Variants in SLC13A3 observed in about 807,000 individuals in gnomAD.
The protein encoded by SLC13A3 is solute carrier family 13 member 3.
SLC13A3 carries 40 observed loss-of-function variants against 59.0 expected under a neutral mutation model. The observed-to-expected ratio is 0.68, with a 90% CI of 0.53 to 0.88. The LOEUF (loss-of-function observed/expected upper bound fraction) is 0.88, where lower values mean the gene tolerates loss of function less well. SLC13A3 is among the 40% of genes least tolerant of loss of function. The pLI, the probability that SLC13A3 is intolerant of heterozygous loss-of-function variation, is 0.00. For missense variants in SLC13A3, 699 were observed against 783.2 expected (o/e 0.89, Z 1.28); for synonymous variants, 317 against 330.3 (o/e 0.96, Z 0.44).
intron 10 of SLC13A3, among the ~76,000 whole-genome samples, chr20:46,567,064 T>TACACA (rs766425592): frequency 2.6e-5 from 4 of 151,836 alleles, no homozygotes; most frequent in Non-Finnish European, 5.9e-5. Flanking sequence ...ATCACATGTG[T>TACACA]GCCTGTAATC....
chr20:46,667,387 G>T, intron 1 of SLC13A3, among the ~76,000 whole-genome samples: 1 of 152,186 alleles, frequency 6.6e-6, no homozygotes, highest in South Asian at 2.1e-4. Flanking sequence ...TTTACCGGTG[G>T]GCCTGGGTTG....
intron 1 of SLC13A3, among the ~76,000 whole-genome samples, chr20:46,645,426 G>T (rs2062884546): frequency 6.6e-6 from 1 of 152,188 alleles, no homozygotes; most frequent in Non-Finnish European, 1.5e-5. Context: ...AGCTCACCAA[G>T]CTTCATGGTG....
chr20:46,584,333 T>C (rs570371236), intron 8 of SLC13A3: 3 of 985,426 alleles, frequency 3.0e-6, no homozygotes, highest in Admixed American at 6.1e-5. Context: ...CAAGATACCC[T>C]GTAAATTGTA....
Position 46,598,501 on chromosome 20 carries a change from G to A in SLC13A3, c.608+1470C>T, listed in dbSNP as rs1275907277. Among the ~76,000 whole-genome samples, 3 of 152,232 alleles carry A rather than the reference G, an allele frequency of 2.0e-5. No homozygotes were observed. The East Asian group carries it at 5.8e-4, about 29-fold the overall frequency. On this transcript the variant is annotated intron_variant, in intron 4 of 12. Transcript: ENST00000279027. ...TCCAACAGATGTAGGCTTCTAGAGG[G>A]TGAGGACTGGGTTTTGCAACAGACC... is the stretch of plus-strand genomic sequence containing the variant.
intron 1 of SLC13A3, among the ~76,000 whole-genome samples, chr20:46,663,431 C>T (rs1014693780): frequency 1.0e-4 from 15 of 147,982 alleles, no homozygotes; most frequent in Non-Finnish European, 1.6e-4. Context: ...GGTGACAGAT[C>T]GAGACCCTGT....
chr20:46,607,806 CCA>C (rs2062450708), intron 3 of SLC13A3, among the ~76,000 whole-genome samples: 2 of 152,160 alleles, frequency 1.3e-5, no homozygotes, highest in Non-Finnish European at 2.9e-5. Context: ...AATACCAGAG[CCA>C]CAGTTTGGAA....
At chr20:46,625,912 G>A (rs1032823286) in intron 1 of SLC13A3, among the ~76,000 whole-genome samples, 1 of 152,122 alleles carries the variant, frequency 6.6e-6, no homozygotes, top group African/African-American at 2.4e-5. Flanking sequence ...TTTCCTGCTG[G>A]TGGACATTTG....
At chr20:46,607,539 C>T (rs1320798260) in intron 3 of SLC13A3, among the ~76,000 whole-genome samples, 1 of 152,242 alleles carries the variant, frequency 6.6e-6, no homozygotes, top group Non-Finnish European at 1.5e-5. Context: ...AGGTAGGTAT[C>T]TATCCCAACC....
intron 1 of SLC13A3, among the ~76,000 whole-genome samples, chr20:46,632,353 G>A (rs1568947088): frequency 6.6e-6 from 1 of 152,178 alleles, no homozygotes. Flanking sequence ...CTCAGGACTG[G>A]TGTCGCTTCC....
At chr20:46,651,685 C>G (rs1345865171), upstream of SLC13A3, among the ~76,000 whole-genome samples, 1 of 152,258 alleles carries the variant, frequency 6.6e-6, no homozygotes, top group Non-Finnish European at 1.5e-5. Context: ...GGCTTCCCAG[C>G]AATGTGGCCT....
chr20:46,666,231 T>C (rs1340932694), intron 1 of SLC13A3, among the ~76,000 whole-genome samples: 1 of 152,220 alleles, frequency 6.6e-6, no homozygotes, highest in South Asian at 2.1e-4. Context: ...AAAGTTATCC[T>C]GTGTCACTTT....
chr20:46,592,563 G>C, intron 5 of SLC13A3, 34 bp from the exon 6 acceptor site: 1 of 1,611,604 alleles, frequency 6.2e-7, no homozygotes. Flanking sequence ...ACAGGCCAAG[G>C]GCAGCCATGC....
intron 2 of SLC13A3, among the ~76,000 whole-genome samples, chr20:46,612,949 A>G (rs2062514370): frequency 6.6e-6 from 1 of 152,160 alleles, no homozygotes; most frequent in African/African-American, 2.4e-5. Context: ...AATAGCAAAC[A>G]AGAATGCTAA....
At chr20:46,569,042 GAC>G (rs2062007395) in intron 10 of SLC13A3, among the ~76,000 whole-genome samples, 1 of 152,202 alleles carries the variant, frequency 6.6e-6, no homozygotes, top group Admixed American at 6.5e-5. Flanking sequence ...GGAGTGCAGT[GAC>G]ACAATTATAG....
intron 1 of SLC13A3, 109 bp from the exon 2 acceptor site, chr20:46,613,834 G>C (rs1225088518): frequency 4.1e-6 from 4 of 980,328 alleles, no homozygotes; most frequent in African/African-American, 3.3e-5. Flanking sequence ...GGGGGCAGAG[G>C]GGGAAGGAGG....
At chr20:46,632,783 A>AGAGTAATCT (rs2062753087) in intron 1 of SLC13A3, among the ~76,000 whole-genome samples, 2 of 152,052 alleles carry the variant, frequency 1.3e-5, no homozygotes, top group Admixed American at 1.3e-4. Context: ...CATATAGCCC[A>AGAGTAATCT]GAGTAATCTC....
chr20:46,566,111 G>T, intron 11 of SLC13A3, 118 bp downstream of exon 11: 1 of 780,536 alleles, frequency 1.3e-6, no homozygotes, highest in Non-Finnish European at 2.2e-6. Flanking sequence ...ATACGTTCAT[G>T]TATTTTGGAA....
intron 1 of SLC13A3, among the ~76,000 whole-genome samples, chr20:46,623,690 ACTCTT>A (rs1305243256): frequency 3.9e-5 from 6 of 152,082 alleles, no homozygotes; most frequent in African/African-American, 1.4e-4. Flanking sequence ...TAATTTTTAA[ACTCTT>A]CTCTTTTAAA....
intron 1 of SLC13A3, among the ~76,000 whole-genome samples, chr20:46,663,444 CA>C (rs11086176): frequency 0.13 from 16,203 of 121,716 alleles, 1,498 homozygotes; most frequent in African/African-American, 0.3. Context: ...GACCCTGTTT[CA>C]AAAAAAAAAA....
Sources: allele counts gnomAD v4.1 joint callset (sites outside exome capture counted in the v4.1 genomes callset), GRCh38; gene constraint gnomAD v4.1.1; transcripts MANE v1.5; gene names NCBI Gene and HGNC (gene_info 2026-07-23, HGNC 2026-07-21).